KCNAB1: variants seen among roughly 807,000 people sequenced by gnomAD.
KCNAB1 encodes the protein potassium voltage-gated channel subfamily A regulatory beta subunit 1.
A neutral mutation model predicts 64.6 loss-of-function variants in KCNAB1; 35 were observed. The observed-to-expected ratio is 0.54, with a 90% CI of 0.41 to 0.72. The LOEUF (loss-of-function observed/expected upper bound fraction) is 0.72, where lower values mean the gene tolerates loss of function less well. Ranked by LOEUF, KCNAB1 falls within the 30% of genes least tolerant of loss-of-function variation. The pLI is 0.00. For synonymous variants in KCNAB1, 177 were observed against 183.8 expected (o/e 0.96, Z 0.30); for missense variants, 401 against 512.9 (o/e 0.78, Z 2.11).
In KCNAB1 at chr3:156,474,871, G is replaced by T. The variant is rs762137031; in HGVS notation, c.658+51G>T. On this transcript the variant is annotated intron_variant, in intron 8 of 13. Coordinates refer to ENST00000490337, the MANE Select transcript of KCNAB1 (RefSeq NM_172160.3). ...CTCTAGAAATCTTGATTCAGTTTGA[G>T]GGCTTATTCTGCTCACAGCAGGAAA... 4.6e-6 allele frequency: 6 copies of T among 1,305,176 alleles called. No individual in the cohort carries two copies. In the Admixed American group the frequency reaches 1.0e-4, roughly 22 times the overall value. The allele number at this position is 1,305,176 out of a possible 1,614,324, so 80.8% of individuals were successfully genotyped here.
rs182693831 is a variant in KCNAB1, at chr3:156,182,638, C to T, written c.275+61752C>T. Among the ~76,000 whole-genome samples, 1,070 of 151,134 alleles carry T rather than the reference C, an allele frequency of 7.1e-3. 4 individuals are homozygous for T. The highest frequency in any genetic ancestry group is 0.017 in the Middle Eastern group (5 of 292). ...AGGGTTGGTTTTTTTTTCCCCCCCC[C>T]GGGTCTTATCTTTTCTACCCAAATG... On this transcript the variant is annotated intron_variant, in intron 1 of 13. Coordinates refer to ENST00000490337, the MANE Select transcript of KCNAB1 (RefSeq NM_172160.3).
At chr3:156,408,031 T>C (rs1018639178) in intron 1 of KCNAB1, among the ~76,000 whole-genome samples, 1 of 151,816 alleles carries the variant, frequency 6.6e-6, no homozygotes, top group African/African-American at 2.4e-5. Context: ...CACAGAGAGA[T>C]TGTGGAAGGT....
chr3:156,479,712 C>T (rs1714648607), intron 8 of KCNAB1, among the ~76,000 whole-genome samples: 1 of 152,102 alleles, frequency 6.6e-6, no homozygotes, highest in African/African-American at 2.4e-5. Flanking sequence ...ACTGATTATT[C>T]TTACAGAATT....
At chr3:156,285,604 G>T (rs370457680) in intron 1 of KCNAB1, among the ~76,000 whole-genome samples, 5 of 152,244 alleles carry the variant, frequency 3.3e-5, no homozygotes, top group African/African-American at 7.2e-5. Context: ...AGGCTCAAGT[G>T]ATCCTCCCAC....
chr3:156,266,266 G>A (rs1257349788), intron 1 of KCNAB1, among the ~76,000 whole-genome samples: 2 of 151,944 alleles, frequency 1.3e-5, no homozygotes, highest in East Asian at 3.9e-4. Flanking sequence ...CATTACTATA[G>A]AACTATGTAA....
At chr3:156,511,963 T>C (rs1054634540) in intron 8 of KCNAB1, among the ~76,000 whole-genome samples, 1 of 152,226 alleles carries the variant, frequency 6.6e-6, no homozygotes, top group African/African-American at 2.4e-5. Context: ...CTACATCATC[T>C]GCCTCGAATG....
intron 1 of KCNAB1, among the ~76,000 whole-genome samples, chr3:156,273,880 T>A (rs1719181957): frequency 6.6e-6 from 1 of 152,176 alleles, no homozygotes; most frequent in Admixed American, 6.5e-5. Context: ...CCTCTTCCTC[T>A]AAAGTGTGTA....
chr3:156,336,872 C>T (rs1001635044), intron 1 of KCNAB1, among the ~76,000 whole-genome samples: 1 of 152,188 alleles, frequency 6.6e-6, no homozygotes, highest in Non-Finnish European at 1.5e-5. Context: ...CCAAAGACTA[C>T]AATCCCAAAA....
At chr3:156,451,391 C>T (rs1230188345) in intron 2 of KCNAB1, among the ~76,000 whole-genome samples, 3 of 152,116 alleles carry the variant, frequency 2.0e-5, no homozygotes, top group Non-Finnish European at 2.9e-5. Flanking sequence ...CTCTAAGTGC[C>T]ATAATTAATT....
chr3:156,121,928 A>G (rs1577604825), intron 1 of KCNAB1, among the ~76,000 whole-genome samples: 3 of 152,362 alleles, frequency 2.0e-5, no homozygotes, highest in Admixed American at 2.0e-4. Context: ...TTGTGCATAT[A>G]GACTAAAAAC....
At position 156,514,383 on chromosome 3, in the gene KCNAB1, A is replaced by G; in HGVS notation, c.678A>G (p.Thr226=). ...CCACAGAAATTGTCCGAGCCATGAC[A>G]CATGTGATAAACCAAGGCATGGCGA... The part of the protein sequence containing the change: ...TPMEEIVRAM[T]HVINQGMAMY... The change falls in exon 9 of 14, where the codon ACA becomes ACG. Residue 226 remains threonine, a synonymous_variant. Transcript: ENST00000490337. 1 of 1,614,006 alleles carries G rather than the reference A, an allele frequency of 6.2e-7. No individual in the cohort carries two copies. Among genetic ancestry groups the G allele is most frequent in the Non-Finnish European group, 8.5e-7 (1 of 1,179,854 alleles).
chr3:156,408,069 G>A (rs1370272070), intron 1 of KCNAB1, among the ~76,000 whole-genome samples: 4 of 152,028 alleles, frequency 2.6e-5, no homozygotes, highest in Admixed American at 6.6e-5. Context: ...AGTGGCGGGC[G>A]GTGGTGGCGG....
chr3:156,133,140 G>A (rs1714100319), intron 1 of KCNAB1, among the ~76,000 whole-genome samples: 1 of 152,202 alleles, frequency 6.6e-6, no homozygotes, highest in African/African-American at 2.4e-5. Context: ...CCAAAGGGCT[G>A]TTGAATTATT....
intron 1 of KCNAB1, among the ~76,000 whole-genome samples, chr3:156,124,215 CT>C (rs545733860): frequency 0.039 from 5,554 of 142,884 alleles, 134 homozygotes; most frequent in South Asian, 0.062. Flanking sequence ...TATTTCTTTT[CT>C]TTTTTTTTTT....
chr3:156,160,662 G>A (rs879731468), intron 1 of KCNAB1, among the ~76,000 whole-genome samples: 7 of 152,224 alleles, frequency 4.6e-5, no homozygotes, highest in Non-Finnish European at 7.3e-5. Flanking sequence ...GAAACTGATA[G>A]GAAGTGATTT....
chr3:156,273,647 C>T (rs770820915), intron 1 of KCNAB1: 85 of 455,932 alleles, frequency 1.9e-4, no homozygotes, highest in Non-Finnish European at 2.9e-4. Context: ...CTCTTCACTG[C>T]CTTTTTCAGC....
chr3:156,506,454 G>A (rs1716841859), intron 8 of KCNAB1, among the ~76,000 whole-genome samples: 1 of 151,284 alleles, frequency 6.6e-6, no homozygotes, highest in East Asian at 1.9e-4. Context: ...TCATATTTGG[G>A]CAATATCAAA....
rs1412365991 is a variant in KCNAB1, at chr3:156,282,271, C to T, written c.276-139345C>T. On this transcript the variant is annotated intron_variant, in intron 1 of 13. Coordinates refer to ENST00000490337, the MANE Select transcript of KCNAB1 (RefSeq NM_172160.3). ...GTTGTTCAGTTTCCATGCAGTTGAG[C>T]GGTTTTGAGTGAGATTCTTAATCCT... is the stretch of plus-strand genomic sequence containing the variant. Among the ~76,000 whole-genome samples the T allele has an allele frequency of 2.0e-4, 30 of 149,624 alleles. No individual in the cohort carries two copies. In the East Asian group the frequency reaches 3.1e-3, roughly 16 times the overall value.
At chr3:156,183,357 C>A (rs911746113) in intron 1 of KCNAB1, among the ~76,000 whole-genome samples, 1 of 152,142 alleles carries the variant, frequency 6.6e-6, no homozygotes, top group Non-Finnish European at 1.5e-5. Context: ...ATTGAGGCCA[C>A]GGGATTCGGT....
Sources: gnomAD v4.1 joint callset for allele counts (sites outside exome capture counted in the v4.1 genomes callset) on GRCh38, gnomAD v4.1.1 for gene constraint, MANE v1.5 for transcripts, NCBI Gene and HGNC (gene_info 2026-07-23, HGNC 2026-07-21) for gene names.